MAP2: variants seen among roughly 807,000 people sequenced by gnomAD.
MAP2 encodes microtubule associated protein 2.
A neutral mutation model predicts 137.6 loss-of-function variants in MAP2; 14 were observed. That is an observed-to-expected ratio of 0.10 (90% CI 0.07 to 0.16). The LOEUF (loss-of-function observed/expected upper bound fraction) is 0.16. MAP2 is among the 10% of genes least tolerant of loss of function. The pLI is 1.00. For synonymous variants in MAP2, 786 were observed against 782.3 expected, an observed-to-expected ratio of 1.00 and a Z score of -0.08; for missense variants, 2,088 against 2,191.5, an observed-to-expected ratio of 0.95 and a Z score of 0.94.
intron 4 of MAP2, among the ~76,000 whole-genome samples, chr2:209,648,168 C>T (rs1233752546): frequency 1.3e-5 from 2 of 149,948 alleles, no homozygotes; most frequent in African/African-American, 2.5e-5. Context: ...ATGGTGTGAT[C>T]GCGGCTCACT....
chr2:209,712,170 G>A (rs530622413), intron 13 of MAP2, among the ~76,000 whole-genome samples: 2 of 152,162 alleles, frequency 1.3e-5, no homozygotes, highest in South Asian at 2.1e-4. Flanking sequence ...ATGTGAAGAC[G>A]TCTGTTTTCT....
Position 209,710,201 on chromosome 2 carries a change from A to C in MAP2, c.5020A>C (p.Lys1674Gln). The change falls in exon 13 of 16, where the codon AAA (lysine) becomes CAA (glutamine). Residue 1674 changes from lysine (K) to glutamine (Q), a missense_variant. This residue lies in a region of MAP2 where 112 missense variants were observed against 201.0 expected (regional missense o/e 0.56). Transcript: ENST00000682079. Reference sequence around the variant, plus strand: ...ACCACTGCCAGACCTGAAGAATGTCAAATCCAAAATCGGATCAACAGACAA... The same window carrying C: ...ACCACTGCCAGACCTGAAGAATGTCCAATCCAAAATCGGATCAACAGACAA... ...NQPLPDLKNV[K>Q]SKIGSTDNIK... is the part of the protein sequence containing the mutation. The C allele has an allele frequency of 6.2e-7, 1 of 1,607,362 alleles. No individual in the cohort carries two copies. The highest frequency in any genetic ancestry group is 8.5e-7 in the Non-Finnish European group (1 of 1,176,282).
At chr2:209,528,183 C>T (rs73071019) in intron 2 of MAP2, among the ~76,000 whole-genome samples, 2,116 of 149,214 alleles carry the variant, frequency 0.014, 53 homozygotes, top group African/African-American at 0.047. Context: ...AAGTGTATAC[C>T]TACCTCCTTC....
intron 2 of MAP2, among the ~76,000 whole-genome samples, chr2:209,544,583 A>G (rs2067675459): frequency 6.6e-6 from 1 of 152,282 alleles, no homozygotes; most frequent in East Asian, 1.9e-4. Context: ...TGAGCAAGTC[A>G]TTTTACCGAT....
intron 2 of MAP2, among the ~76,000 whole-genome samples, chr2:209,526,141 G>C (rs2064009566): frequency 6.6e-6 from 1 of 152,084 alleles, no homozygotes; most frequent in African/African-American, 2.4e-5. Context: ...CAGAAGGTCT[G>C]ATAATTCAGA....
intron 2 of MAP2, among the ~76,000 whole-genome samples, chr2:209,541,273 A>G (rs1331139204): frequency 1.3e-5 from 2 of 151,094 alleles, no homozygotes; most frequent in Non-Finnish European, 2.9e-5. Context: ...CAAGTGATCC[A>G]TCTGCCTCGG....
At chr2:209,604,072 G>A (rs1383297696) in intron 3 of MAP2, among the ~76,000 whole-genome samples, 1 of 152,096 alleles carries the variant, frequency 6.6e-6, no homozygotes, top group Non-Finnish European at 1.5e-5. Flanking sequence ...GTTTGTACCA[G>A]TTTCCATTAA....
chr2:209,457,825 A>G (rs914074202), intron 1 of MAP2, among the ~76,000 whole-genome samples: 1 of 151,906 alleles, frequency 6.6e-6, no homozygotes, highest in Non-Finnish European at 1.5e-5. Context: ...TTTCATTGCC[A>G]TCTTTGCCTT....
At chr2:209,575,345 C>A (rs968278233) in intron 2 of MAP2, among the ~76,000 whole-genome samples, 3 of 151,680 alleles carry the variant, frequency 2.0e-5, no homozygotes, top group Non-Finnish European at 2.9e-5. Flanking sequence ...CACAGTGAAA[C>A]CCCGTCTCTA....
chr2:209,692,160 C>T (rs368237072), intron 7 of MAP2, among the ~76,000 whole-genome samples: 2 of 151,918 alleles, frequency 1.3e-5, no homozygotes, highest in South Asian at 2.1e-4. Flanking sequence ...ATGATAAAAC[C>T]AATGAAAATG....
chr2:209,513,196 A>G (rs1248759307), intron 2 of MAP2, among the ~76,000 whole-genome samples: 1 of 152,116 alleles, frequency 6.6e-6, no homozygotes, highest in Non-Finnish European at 1.5e-5. Context: ...CAGAATCAAG[A>G]CAAAATTTTG....
chr2:209,465,792 C>G (rs898947159), intron 1 of MAP2, among the ~76,000 whole-genome samples: 1 of 152,068 alleles, frequency 6.6e-6, no homozygotes, highest in Non-Finnish European at 1.5e-5. Flanking sequence ...GAGAGATTTC[C>G]CTTCTCCTGT....
chr2:209,489,036 G>A (rs1416560875), intron 1 of MAP2, among the ~76,000 whole-genome samples: 2 of 152,186 alleles, frequency 1.3e-5, no homozygotes, highest in Non-Finnish European at 2.9e-5. Flanking sequence ...TCATACAGGA[G>A]AGCTCTGGCT....
chr2:209,727,637 G>T (rs1427540374), intron 14 of MAP2, among the ~76,000 whole-genome samples: 1 of 152,146 alleles, frequency 6.6e-6, no homozygotes, highest in East Asian at 1.9e-4. Context: ...TTGGAATGTG[G>T]AATATCTAAA....
intron 2 of MAP2, among the ~76,000 whole-genome samples, chr2:209,570,217 A>AT (rs2074160982): frequency 6.6e-6 from 1 of 151,872 alleles, no homozygotes; most frequent in South Asian, 2.1e-4. Flanking sequence ...TTCTGTGTTT[A>AT]ATTTATCTCT....
chr2:209,542,655 C>T (rs2067260696), intron 2 of MAP2, among the ~76,000 whole-genome samples: 1 of 152,236 alleles, frequency 6.6e-6, no homozygotes, highest in Non-Finnish European at 1.5e-5. Flanking sequence ...TCCACTAGCA[C>T]CTGCTGCTTC....
At chr2:209,572,023 G>A (rs1053571464) in intron 2 of MAP2, among the ~76,000 whole-genome samples, 2 of 150,944 alleles carry the variant, frequency 1.3e-5, no homozygotes, top group Admixed American at 1.3e-4. Context: ...GGTTCAAGAT[G>A]GTGCATAATC....
intron 1 of MAP2, among the ~76,000 whole-genome samples, chr2:209,436,029 T>TACTGTATATATTATATATA (rs1553537341): frequency 7.0e-6 from 1 of 142,070 alleles, no homozygotes; most frequent in Admixed American, 7.3e-5. Flanking sequence ...ATATAAAATA[T>TACTGTATATATTATATATA]ATATATATGT....
At chr2:209,585,886 A>G (rs1041881151) in intron 3 of MAP2, among the ~76,000 whole-genome samples, 1 of 152,192 alleles carries the variant, frequency 6.6e-6, no homozygotes, top group Admixed American at 6.6e-5. Context: ...CTGAGATTAC[A>G]TTAGCACCTG....
Sources: gnomAD v4.1 joint callset for allele counts (sites outside exome capture counted in the v4.1 genomes callset) on GRCh38, gnomAD v4.1.1 for gene constraint, gnomAD v4.1.1 regional missense constraint, MANE v1.5 for transcripts, NCBI Gene and HGNC (gene_info 2026-07-23, HGNC 2026-07-21) for gene names.